The following KCND2 variants were observed in gnomAD, a reference collection of about 807,000 sequenced individuals.
The protein encoded by KCND2 is potassium voltage-gated channel subfamily D member 2.
In KCND2, 16 loss-of-function variants were observed where a neutral mutation model predicts 54.4. The observed-to-expected ratio is 0.29, with a 90% CI of 0.20 to 0.45. The LOEUF (loss-of-function observed/expected upper bound fraction) is 0.45. Ranked by LOEUF, KCND2 falls within the 20% of genes least tolerant of loss-of-function variation. The probability of loss-of-function intolerance (pLI) is 1.00; values close to 1 mark genes in which losing one functional copy is unlikely to be tolerated. For missense variants in KCND2, 486 were observed against 824.2 expected, an observed-to-expected ratio of 0.59 and a Z score of 5.02; for synonymous variants, 317 against 310.7, an observed-to-expected ratio of 1.02 and a Z score of -0.21.
rs181416233 is a variant in KCND2 at position 120,624,220 on chromosome 7, T to C, written c.1116-108683T>C. ...CTTACACATCCCTCCGTTTGTTATG[T>C]TAAATCGCATTCTAACTAAGACTGA... On this transcript the variant is annotated intron_variant, in intron 1 of 5. Transcript: ENST00000331113. 6.6e-4 allele frequency among the ~76,000 whole-genome samples: 101 copies of C among 152,296 alleles called. 1 individual carries two copies. In the Middle Eastern group the frequency reaches 0.017, roughly 26 times the overall value.
At chr7:120,364,915 A>C (rs1800645090) in intron 1 of KCND2, among the ~76,000 whole-genome samples, 1 of 152,098 alleles carries the variant, frequency 6.6e-6, no homozygotes, top group African/African-American at 2.4e-5. Flanking sequence ...AGCCTAACTA[A>C]AGTTTGGCCC....
chr7:120,397,193 T>C (rs190146859), intron 1 of KCND2, among the ~76,000 whole-genome samples: 2 of 152,168 alleles, frequency 1.3e-5, no homozygotes, highest in East Asian at 3.9e-4. Flanking sequence ...AAACAACTAA[T>C]ATTAGCACAA....
chr7:120,504,969 A>G (rs1802992963), intron 1 of KCND2, among the ~76,000 whole-genome samples: 1 of 151,700 alleles, frequency 6.6e-6, no homozygotes, highest in Non-Finnish European at 1.5e-5. Flanking sequence ...CACTTACAAA[A>G]TATAAAGCAC....
intron 1 of KCND2, among the ~76,000 whole-genome samples, chr7:120,295,851 A>G (rs1437750076): frequency 2.0e-5 from 3 of 152,014 alleles, no homozygotes; most frequent in Non-Finnish European, 4.4e-5. Flanking sequence ...AAATGCAGTC[A>G]GTCTGACCCC....
At chr7:120,357,240 G>A (rs957270168) in intron 1 of KCND2, among the ~76,000 whole-genome samples, 2 of 152,076 alleles carry the variant, frequency 1.3e-5, no homozygotes, top group Admixed American at 1.3e-4. Flanking sequence ...AAAAGTAAAT[G>A]TTATTATCCA....
chr7:120,405,461 G>GA (rs903640271), intron 1 of KCND2, among the ~76,000 whole-genome samples: 1 of 152,040 alleles, frequency 6.6e-6, no homozygotes, highest in Non-Finnish European at 1.5e-5. Flanking sequence ...AAGAGTTATG[G>GA]AAAACACATC....
intron 1 of KCND2, among the ~76,000 whole-genome samples, chr7:120,709,834 G>C (rs1004691942): frequency 6.6e-6 from 1 of 152,110 alleles, no homozygotes; most frequent in African/African-American, 2.4e-5. Context: ...GGGTTCTCCA[G>C]AATTCTGTGC....
intron 1 of KCND2, among the ~76,000 whole-genome samples, chr7:120,409,266 A>G (rs1317773730): frequency 6.6e-6 from 1 of 151,940 alleles, no homozygotes; most frequent in South Asian, 2.1e-4. Context: ...CTATTCCTTC[A>G]TATGAAAAAA....
At chr7:120,648,311 GA>G (rs1236629614) in intron 1 of KCND2, among the ~76,000 whole-genome samples, 20 of 152,114 alleles carry the variant, frequency 1.3e-4, no homozygotes, top group African/African-American at 4.8e-4. Context: ...GAAAATGAAT[GA>G]AAAAATATAA....
At chr7:120,432,940 A>G (rs1217279851) in intron 1 of KCND2, among the ~76,000 whole-genome samples, 2 of 152,040 alleles carry the variant, frequency 1.3e-5, no homozygotes, top group African/African-American at 4.8e-5. Flanking sequence ...TTGCCCATCA[A>G]TTGCAAGGCC....
intron 1 of KCND2, among the ~76,000 whole-genome samples, chr7:120,467,672 A>G (rs1045531905): frequency 2.6e-5 from 4 of 152,076 alleles, no homozygotes; most frequent in African/African-American, 9.7e-5. Context: ...TTATTGCTGC[A>G]TGTTCTATTA....
intron 1 of KCND2, among the ~76,000 whole-genome samples, chr7:120,613,400 G>A (rs770600207): frequency 6.6e-5 from 10 of 152,162 alleles, no homozygotes; most frequent in Middle Eastern, 3.4e-3. Flanking sequence ...GTGTAGTGGC[G>A]CACGCCTGTA....
intron 1 of KCND2, among the ~76,000 whole-genome samples, chr7:120,503,105 A>T (rs1802960507): frequency 6.6e-6 from 1 of 152,104 alleles, no homozygotes; most frequent in South Asian, 2.1e-4. Flanking sequence ...ATCTTGTTAA[A>T]GTAAATATAA....
chr7:120,376,803 G>A (rs545683604), intron 1 of KCND2, among the ~76,000 whole-genome samples: 3 of 151,774 alleles, frequency 2.0e-5, no homozygotes, highest in Non-Finnish European at 4.4e-5. Context: ...GCTATCCTGA[G>A]TTTTTCAAAT....
chr7:120,309,472 TATACACACAC>T (rs1190536794), intron 1 of KCND2, among the ~76,000 whole-genome samples: 6 of 122,598 alleles, frequency 4.9e-5, no homozygotes, highest in African/African-American at 1.8e-4. Context: ...TATATATATA[TATACACACAC>T]ACACACACAC....
At chr7:120,491,068 C>A (rs1802772489) in intron 1 of KCND2, among the ~76,000 whole-genome samples, 1 of 152,130 alleles carries the variant, frequency 6.6e-6, no homozygotes, top group South Asian at 2.1e-4. Flanking sequence ...AATCCTGCCA[C>A]CCATGCTTCT....
chr7:120,395,381 T>C (rs1346031081), intron 1 of KCND2, among the ~76,000 whole-genome samples: 4 of 152,032 alleles, frequency 2.6e-5, no homozygotes, highest in Non-Finnish European at 4.4e-5. Flanking sequence ...AAATTAACAT[T>C]GGCTTACAGT....
intron 1 of KCND2, among the ~76,000 whole-genome samples, chr7:120,658,200 A>G (rs1791825806): frequency 1.3e-5 from 2 of 152,086 alleles, no homozygotes; most frequent in Admixed American, 1.3e-4. Flanking sequence ...AGGAAGGCTT[A>G]TCAATAGTGA....
chr7:120,295,335 A>G (rs991784034), intron 1 of KCND2, among the ~76,000 whole-genome samples: 5 of 149,736 alleles, frequency 3.3e-5, no homozygotes, highest in African/African-American at 1.2e-4. Flanking sequence ...CTGAAAAAAT[A>G]TGTCATAGAG....
Sources: gnomAD v4.1 joint callset for allele counts (sites outside exome capture counted in the v4.1 genomes callset) on GRCh38, gnomAD v4.1.1 for gene constraint, MANE v1.5 for transcripts, NCBI Gene and HGNC (gene_info 2026-07-23, HGNC 2026-07-21) for gene names.